The following CNNM2 variants were observed in gnomAD, a reference collection of about 807,000 sequenced individuals.
The protein encoded by CNNM2 is cyclin and CBS domain divalent metal cation transport mediator 2, also known as metal transporter CNNM2.
A neutral mutation model predicts 66.9 loss-of-function variants in CNNM2; 12 were observed. The ratio of observed to expected loss-of-function variants is 0.18; its 90% CI spans 0.11 to 0.29. The LOEUF is 0.29. Ranked by LOEUF, CNNM2 falls within the 10% of genes least tolerant of loss-of-function variation. The pLI, the probability that CNNM2 is intolerant of heterozygous loss-of-function variation, is 1.00. For missense variants in CNNM2, 705 were observed against 1,167.7 expected, an observed-to-expected ratio of 0.60 and a Z score of 5.77; for synonymous variants, 557 against 501.8, an observed-to-expected ratio of 1.11 and a Z score of -1.47.
intron 1 of CNNM2, among the ~76,000 whole-genome samples, chr10:102,993,299 A>G (rs1045353767): frequency 9.2e-5 from 14 of 152,178 alleles, no homozygotes; most frequent in Middle Eastern, 3.2e-3. Context: ...TTGGCTAGAC[A>G]TGTTCCCTAA....
chr10:102,942,863 G>A (rs1196545726), intron 1 of CNNM2, among the ~76,000 whole-genome samples: 1 of 152,120 alleles, frequency 6.6e-6, no homozygotes, highest in Non-Finnish European at 1.5e-5. Context: ...TAATAACATG[G>A]GGGAGATTAT....
chr10:102,928,102 A>G (rs1304773227), intron 1 of CNNM2, among the ~76,000 whole-genome samples: 1 of 152,132 alleles, frequency 6.6e-6, no homozygotes, highest in Non-Finnish European at 1.5e-5. Flanking sequence ...TAAAATGGGG[A>G]TATTTTCTAA....
rs974291631 is a variant in CNNM2 at position 103,085,825 on chromosome 10, A to G, written c.*8645A>G. The G allele has an allele frequency of 2.0e-5, 3 of 152,192 alleles. No homozygotes were observed. The highest frequency in any genetic ancestry group is 4.8e-5 in the African/African-American group (2 of 41,456). The allele number at this position is 152,192 out of a possible 1,614,324, so 9.4% of individuals were successfully genotyped here. A position where few individuals can be genotyped will look rare whatever the true frequency, so the allele number is the denominator to read the frequency against. The stretch of plus-strand genomic sequence containing the variant: ...TTTGAGATCACATACCTTTGTTGGA[A>G]TGAATCAGACTGTTGTGGCCTTGGG... On this transcript the variant is annotated 3_prime_UTR_variant, in exon 8 of 8. Transcript: ENST00000369878.
chr10:102,986,779 CA>C (rs58137673), intron 1 of CNNM2, among the ~76,000 whole-genome samples: 24 of 120,526 alleles, frequency 2.0e-4, no homozygotes, highest in Admixed American at 3.6e-4. Context: ...GACTCAGTCT[CA>C]AAAAAAAAAA....
At chr10:103,013,337 A>T (rs2064381754) in intron 1 of CNNM2, among the ~76,000 whole-genome samples, 1 of 152,190 alleles carries the variant, frequency 6.6e-6, no homozygotes, top group African/African-American at 2.4e-5. Flanking sequence ...TAAGATATAC[A>T]AACACATTGG....
intron 1 of CNNM2, among the ~76,000 whole-genome samples, chr10:103,031,669 G>GCAGTCCCAGGAAGCAGGAGTT (rs1195815735): frequency 1.3e-5 from 2 of 152,186 alleles, no homozygotes; most frequent in Non-Finnish European, 2.9e-5. Flanking sequence ...TATATGGAGT[G>GCAGTCCCAGGAAGCAGGAGTT]CAGTCCCAGG....
intron 1 of CNNM2, among the ~76,000 whole-genome samples, chr10:102,956,502 TA>T (rs1218376130): frequency 2.0e-5 from 3 of 152,114 alleles, no homozygotes; most frequent in Admixed American, 2.0e-4. Flanking sequence ...ATCATGCTAC[TA>T]TAAAGACACG....
chr10:102,960,886 A>G (rs1207453455), intron 1 of CNNM2, among the ~76,000 whole-genome samples: 1 of 140,452 alleles, frequency 7.1e-6, no homozygotes, highest in Non-Finnish European at 1.6e-5. Context: ...CCTGAGTTCA[A>G]GTGATTCTCT....
chr10:103,049,671 G>A, intron 1 of CNNM2, 36 bp from the exon 2 acceptor site: 1 of 1,593,330 alleles, frequency 6.3e-7, no homozygotes. Context: ...AGAAAATTCA[G>A]AAAGTCACTT....
At chr10:102,933,214 A>G (rs952957767) in intron 1 of CNNM2, among the ~76,000 whole-genome samples, 36 of 152,208 alleles carry the variant, frequency 2.4e-4, no homozygotes, top group African/African-American at 7.7e-4. Flanking sequence ...CTGTAGATCA[A>G]TTTAGGAGTA....
rs182568062 is a variant in CNNM2, at chr10:103,072,825, G to A, written c.2233+986G>A. Among the ~76,000 whole-genome samples, 16 of 152,278 alleles carry A rather than the reference G, an allele frequency of 1.1e-4. No individual in the cohort carries two copies. In the East Asian group the frequency reaches 2.5e-3, roughly 24 times the overall value. On this transcript the variant is annotated intron_variant, in intron 6 of 7. Transcript: ENST00000369878. ...ACCTGAACTGGGGGTCAGCCACTAC[G>A]GTTTTAGCTCTACTTGTTGTGAATC...
At chr10:102,965,924 A>AG (rs1050453627) in intron 1 of CNNM2, among the ~76,000 whole-genome samples, 1 of 152,044 alleles carries the variant, frequency 6.6e-6, no homozygotes, top group African/African-American at 2.4e-5. Context: ...ACAGTTCTTC[A>AG]GGGGAAAAAA....
intron 1 of CNNM2, 120 bp from the exon 2 acceptor site, chr10:103,049,587 T>G: frequency 1.0e-6 from 1 of 984,358 alleles, no homozygotes; most frequent in South Asian, 1.6e-5. Flanking sequence ...TTTAAAATGC[T>G]GAAACAGAGA....
At chr10:103,021,427 C>T (rs2064577394) in intron 1 of CNNM2, among the ~76,000 whole-genome samples, 1 of 152,044 alleles carries the variant, frequency 6.6e-6, no homozygotes, top group African/African-American at 2.4e-5. Flanking sequence ...TAAGGGATGG[C>T]CTTGGAGTCC....
Position 103,089,019 on chromosome 10 carries a change from TAAAC to T in CNNM2, c.*11847_*11850del, listed in dbSNP as rs950660912. On this transcript the variant is annotated 3_prime_UTR_variant, in exon 8 of 8. Coordinates refer to ENST00000369878, the MANE Select transcript of CNNM2 (RefSeq NM_017649.5). Reference sequence around the variant, plus strand: ...GATAACAAATAAGCATTTGTGCTATTAAACAAACAAAAGGTAATAAGGATACTGT... The same window carrying T: ...GATAACAAATAAGCATTTGTGCTATTAAACAAAAGGTAATAAGGATACTGT... 6.6e-5 allele frequency: 14 copies of T among 213,360 alleles called. No individual in the cohort carries two copies. Among genetic ancestry groups the T allele is most frequent in the African/African-American group, 2.3e-4 (10 of 44,288 alleles). 13.2% of individuals were successfully genotyped at this position (213,360 alleles called of 1,614,324 possible).
At chr10:102,946,489 G>C (rs1434214407) in intron 1 of CNNM2, among the ~76,000 whole-genome samples, 1 of 152,158 alleles carries the variant, frequency 6.6e-6, no homozygotes, top group African/African-American at 2.4e-5. Context: ...TGACAGAAAA[G>C]TCTCTCACGG....
chr10:102,932,306 T>C (rs990863196), intron 1 of CNNM2, among the ~76,000 whole-genome samples: 3 of 152,100 alleles, frequency 2.0e-5, no homozygotes, highest in Non-Finnish European at 4.4e-5. Flanking sequence ...AGCCTTGGCC[T>C]CCCAAAGTGC....
chr10:103,008,157 A>C (rs948008883), intron 1 of CNNM2, among the ~76,000 whole-genome samples: 14 of 151,334 alleles, frequency 9.3e-5, no homozygotes, highest in Non-Finnish European at 1.9e-4. Context: ...TTTTTTTTTA[A>C]ACCAGTTTCC....
At chr10:103,008,504 G>T (rs1590386553) in intron 1 of CNNM2, among the ~76,000 whole-genome samples, 1 of 152,178 alleles carries the variant, frequency 6.6e-6, no homozygotes, top group East Asian at 1.9e-4. Flanking sequence ...TTTTGGCCGG[G>T]GTGGTGCCTC....
Sources: gnomAD v4.1 joint callset for allele counts (sites outside exome capture counted in the v4.1 genomes callset) on GRCh38, gnomAD v4.1.1 for gene constraint, MANE v1.5 for transcripts, NCBI Gene and HGNC (gene_info 2026-07-23, HGNC 2026-07-21) for gene names.